The following SNAP25 variants were observed in gnomAD, a reference collection of about 807,000 sequenced individuals.
The protein encoded by SNAP25 is synaptosome associated protein 25, also known as synaptosomal-associated protein 25.
In SNAP25, 3 loss-of-function variants were observed where a neutral mutation model predicts 28.7. The observed-to-expected ratio is 0.10, with a 90% CI of 0.05 to 0.27. The LOEUF is 0.27. Among genes scored for constraint, SNAP25 ranks in the 10% least tolerant of loss-of-function variants. The pLI, the probability that SNAP25 is intolerant of heterozygous loss-of-function variation, is 1.00. For missense variants in SNAP25, 117 were observed against 278.7 expected (o/e 0.42, Z 4.13); for synonymous variants, 61 against 88.1 (o/e 0.69, Z 1.72).
At chr20:10,237,595 G>A (rs920272487) in intron 1 of SNAP25, among the ~76,000 whole-genome samples, 3 of 152,146 alleles carry the variant, frequency 2.0e-5, no homozygotes, top group Admixed American at 6.5e-5. Context: ...TATTCACTGG[G>A]TCCCTAGTGG....
At chr20:10,219,747 T>G (rs961688737) in intron 1 of SNAP25, 37 of 152,400 alleles carry the variant, frequency 2.4e-4, no homozygotes, top group African/African-American at 7.9e-4. Flanking sequence ...GGGCTGGATG[T>G]GCCAGGGCTG....
chr20:10,255,648 C>T (rs1028317444), intron 1 of SNAP25, among the ~76,000 whole-genome samples: 1 of 152,156 alleles, frequency 6.6e-6, no homozygotes, highest in Non-Finnish European at 1.5e-5. Flanking sequence ...TATTAGTAGG[C>T]AAATCTACCT....
chr20:10,269,153 G>A (rs2063552257), intron 1 of SNAP25, among the ~76,000 whole-genome samples: 1 of 152,182 alleles, frequency 6.6e-6, no homozygotes, highest in Admixed American at 6.5e-5. Flanking sequence ...TCTCACGCCT[G>A]TAACCCGGCA....
intron 1 of SNAP25, among the ~76,000 whole-genome samples, chr20:10,228,034 G>C (rs1900177534): frequency 1.3e-5 from 2 of 152,102 alleles, no homozygotes; most frequent in Non-Finnish European, 2.9e-5. Flanking sequence ...GCCTGGGAGA[G>C]AATCATAAGC....
At chr20:10,229,482 G>C (rs2062788727) in intron 1 of SNAP25, among the ~76,000 whole-genome samples, 1 of 152,096 alleles carries the variant, frequency 6.6e-6, no homozygotes, top group South Asian at 2.1e-4. Flanking sequence ...AAGAATAGCA[G>C]AATCTGTGCT....
chr20:10,250,509 G>T (rs1337793212), intron 1 of SNAP25, among the ~76,000 whole-genome samples: 4 of 152,170 alleles, frequency 2.6e-5, no homozygotes, highest in African/African-American at 9.7e-5. Flanking sequence ...AAACCTTAAA[G>T]TATTTATCTC....
chr20:10,258,339 T>A (rs1161696315), intron 1 of SNAP25, among the ~76,000 whole-genome samples: 1 of 152,216 alleles, frequency 6.6e-6, no homozygotes, highest in Non-Finnish European at 1.5e-5. Flanking sequence ...AATGAGTTAA[T>A]AAATCTTCAT....
At chr20:10,300,131 T>C (rs774084811) in intron 7 of SNAP25, among the ~76,000 whole-genome samples, 1 of 149,892 alleles carries the variant, frequency 6.7e-6, no homozygotes, top group African/African-American at 2.5e-5. Flanking sequence ...GACTTGGCTC[T>C]AAGATCCACC....
intron 4 of SNAP25, among the ~76,000 whole-genome samples, chr20:10,288,473 T>C (rs1314384751): frequency 1.3e-5 from 2 of 152,220 alleles, no homozygotes; most frequent in African/African-American, 4.8e-5. Flanking sequence ...AGAGATATAA[T>C]TTGCTGAAAT....
intron 3 of SNAP25, among the ~76,000 whole-genome samples, chr20:10,282,625 G>C (rs2123050750): frequency 6.6e-6 from 1 of 152,322 alleles, no homozygotes; most frequent in South Asian, 2.1e-4. Context: ...GGGCTGGACT[G>C]ACCAAACTAA....
intron 1 of SNAP25, among the ~76,000 whole-genome samples, chr20:10,231,984 T>C (rs1254110581): frequency 6.6e-6 from 1 of 152,230 alleles, no homozygotes; most frequent in Middle Eastern, 3.2e-3. Flanking sequence ...AATTGAGATT[T>C]ATTGGCTTAA....
intron 1 of SNAP25, among the ~76,000 whole-genome samples, chr20:10,247,591 A>G (rs2063151745): frequency 4.6e-5 from 7 of 152,196 alleles, no homozygotes; most frequent in Admixed American, 4.6e-4. Context: ...GGATGTGAAG[A>G]GAGCACCTTC....
chr20:10,222,200 A>G (rs969017262), intron 1 of SNAP25, among the ~76,000 whole-genome samples: 8 of 152,266 alleles, frequency 5.3e-5, no homozygotes, highest in Admixed American at 5.2e-4. Flanking sequence ...AGCAATCTTA[A>G]TAAAAGCAAT....
intron 1 of SNAP25, among the ~76,000 whole-genome samples, chr20:10,272,331 C>T (rs1392415211): frequency 2.0e-5 from 3 of 152,190 alleles, no homozygotes; most frequent in African/African-American, 7.2e-5. Context: ...GATGAACTTA[C>T]CCAGACTCAC....
intron 1 of SNAP25, among the ~76,000 whole-genome samples, chr20:10,274,093 G>A (rs1207971688): frequency 6.6e-6 from 1 of 152,114 alleles, no homozygotes; most frequent in East Asian, 1.9e-4. Context: ...TATCCCTAGT[G>A]CCTAACACTG....
rs71332917 is a variant in SNAP25 at position 10,224,257 on chromosome 20, C to CTTTTTTTTTTTT, written c.-64+5304_-64+5315dup. On this transcript the variant is annotated intron_variant, in intron 1 of 7. Coordinates refer to ENST00000254976, the MANE Select transcript of SNAP25 (RefSeq NM_130811.4). ...AATAAGGCATAGAGAATGTACATGT[C>CTTTTTTTTTTTT]TTTTTTTTTTTTTTTTTTTTTTTTT... Among the ~76,000 whole-genome samples the CTTTTTTTTTTTT allele has an allele frequency of 2.4e-3, 42 of 17,434 alleles. 15 individuals are homozygous for CTTTTTTTTTTTT. The highest frequency in any genetic ancestry group is 2.9e-3 in the Non-Finnish European group (31 of 10,572). 11.4% of individuals were successfully genotyped at this position (17,434 alleles called of 152,430 possible). A position where few individuals can be genotyped will look rare whatever the true frequency, so the allele number is the denominator to read the frequency against.
chr20:10,275,672 A>G (rs1166396332), intron 2 of SNAP25, 109 bp downstream of exon 2: 1 of 840,106 alleles, frequency 1.2e-6, no homozygotes, highest in African/African-American at 1.7e-5. Flanking sequence ...AATTTCTTTT[A>G]GAAAAAGTAA....
chr20:10,287,425 C>T (rs1272815871), intron 4 of SNAP25, among the ~76,000 whole-genome samples: 3 of 151,748 alleles, frequency 2.0e-5, no homozygotes, highest in South Asian at 4.2e-4. Context: ...CCATCACTGG[C>T]TATCAGAGAA....
At chr20:10,234,953 T>G (rs1284385124) in intron 1 of SNAP25, among the ~76,000 whole-genome samples, 1 of 152,206 alleles carries the variant, frequency 6.6e-6, no homozygotes, top group Non-Finnish European at 1.5e-5. Flanking sequence ...TCCCAGCTAT[T>G]TGAGAGGCCA....
Sources: gnomAD v4.1 joint callset for allele counts (sites outside exome capture counted in the v4.1 genomes callset) on GRCh38, gnomAD v4.1.1 for gene constraint, MANE v1.5 for transcripts, NCBI Gene and HGNC (gene_info 2026-07-23, HGNC 2026-07-21) for gene names.